HIPK2: variants seen among roughly 807,000 people sequenced by gnomAD.
HIPK2 encodes the protein homeodomain-interacting protein kinase 2.
HIPK2 carries 27 observed loss-of-function variants against 113.7 expected under a neutral mutation model. The ratio of observed to expected loss-of-function variants is 0.24; its 90% CI spans 0.17 to 0.33. The LOEUF is 0.33. Ranked by LOEUF, HIPK2 falls within the 10% of genes least tolerant of loss-of-function variation. HIPK2 has a pLI of 1.00. For missense variants in HIPK2, 1,257 were observed against 1,588.0 expected, an observed-to-expected ratio of 0.79 and a Z score of 3.54; for synonymous variants, 631 against 642.2, an observed-to-expected ratio of 0.98 and a Z score of 0.26.
chr7:139,689,026 G>C (rs1016081007), intron 2 of HIPK2, among the ~76,000 whole-genome samples: 6 of 152,166 alleles, frequency 3.9e-5, no homozygotes, highest in African/African-American at 1.4e-4. Context: ...GGCAAATGAA[G>C]AGAAACTCTC....
At chr7:139,756,210 T>C (rs1796360468) in intron 1 of HIPK2, among the ~76,000 whole-genome samples, 2 of 152,260 alleles carry the variant, frequency 1.3e-5, no homozygotes, top group African/African-American at 4.8e-5. Context: ...CTCAAAATCC[T>C]TGGATAGTGT....
At chr7:139,577,782 G>A (rs964573919) in intron 13 of HIPK2, among the ~76,000 whole-genome samples, 6 of 152,088 alleles carry the variant, frequency 3.9e-5, no homozygotes, top group African/African-American at 1.2e-4. Context: ...AGAGCCTGGC[G>A]CTGGGGCTGG....
At chr7:139,636,484 C>T (rs1308100098) in intron 2 of HIPK2, among the ~76,000 whole-genome samples, 1 of 152,122 alleles carries the variant, frequency 6.6e-6, no homozygotes, top group East Asian at 1.9e-4. Context: ...TGAGGTCACA[C>T]TGGAGTAGGT....
At chr7:139,605,626 T>C (rs1799594265) in intron 9 of HIPK2, among the ~76,000 whole-genome samples, 1 of 152,178 alleles carries the variant, frequency 6.6e-6, no homozygotes, top group South Asian at 2.1e-4. Flanking sequence ...ATTTGAGAGC[T>C]GAGTGGACCA....
intron 13 of HIPK2, among the ~76,000 whole-genome samples, chr7:139,583,250 G>C (rs1009263570): frequency 6.6e-6 from 1 of 152,196 alleles, no homozygotes; most frequent in African/African-American, 2.4e-5. Flanking sequence ...TTATTCCAGG[G>C]CCCAATTTTC....
intron 1 of HIPK2, among the ~76,000 whole-genome samples, chr7:139,754,978 A>G (rs1569485044): frequency 6.6e-6 from 1 of 152,184 alleles, no homozygotes; most frequent in Non-Finnish European, 1.5e-5. Flanking sequence ...AGTACTTTAA[A>G]AACAACATGC....
intron 1 of HIPK2, among the ~76,000 whole-genome samples, chr7:139,774,996 CT>C (rs2117187280): frequency 6.6e-6 from 1 of 152,356 alleles, no homozygotes; most frequent in African/African-American, 2.4e-5. Flanking sequence ...GCATTTCTGT[CT>C]AAATCTCTGG....
intron 1 of HIPK2, among the ~76,000 whole-genome samples, chr7:139,717,539 A>G (rs1471627723): frequency 6.6e-6 from 1 of 152,094 alleles, no homozygotes; most frequent in Non-Finnish European, 1.5e-5. Context: ...ACCAGCTGGC[A>G]TCTTTGTCAT....
chr7:139,629,886 G>C (rs980557072), intron 4 of HIPK2, among the ~76,000 whole-genome samples: 1 of 151,948 alleles, frequency 6.6e-6, no homozygotes, highest in African/African-American at 2.4e-5. Flanking sequence ...TACTGGACCT[G>C]ACCTTGACAC....
In HIPK2 at chr7:139,563,212, C is replaced by T. The variant is rs1797997635; in HGVS notation, c.*9715G>A. On this transcript the variant is annotated 3_prime_UTR_variant, in exon 15 of 15. Transcript: ENST00000406875. The stretch of plus-strand genomic sequence containing the variant: ...CACATGGTCAAGTCACTTTCTACTT[C>T]CCAAGTTCCTCCTTATAACCTGAGC... 2.0e-5 allele frequency: 3 copies of T among 152,558 alleles called. No homozygotes were observed. The South Asian group carries it at 6.2e-4, about 32-fold the overall frequency. The allele number at this position is 152,558 out of a possible 1,614,324, so 9.5% of individuals were successfully genotyped here. A position where few individuals can be genotyped will look rare whatever the true frequency, so the allele number is the denominator to read the frequency against.
chr7:139,667,892 C>A (rs1802103041), intron 2 of HIPK2, among the ~76,000 whole-genome samples: 1 of 151,930 alleles, frequency 6.6e-6, no homozygotes, highest in African/African-American at 2.4e-5. Flanking sequence ...CTTTGGGAGG[C>A]CGAGATGGGT....
intron 2 of HIPK2, among the ~76,000 whole-genome samples, chr7:139,708,083 G>A (rs1474814229): frequency 6.6e-6 from 1 of 152,072 alleles, no homozygotes; most frequent in African/African-American, 2.4e-5. Context: ...GGAGACAGAC[G>A]GACAGCTCAA....
At chr7:139,729,183 G>C (rs1004294349) in intron 1 of HIPK2, among the ~76,000 whole-genome samples, 2 of 152,086 alleles carry the variant, frequency 1.3e-5, no homozygotes, top group African/African-American at 2.4e-5. Context: ...AAATTAGCCA[G>C]GTGTGGTGGT....
rs1794135499 is a variant in HIPK2 at position 139,683,899 on chromosome 7, T to TCCC, written c.1103+32032_1103+32033insGGG. 1.3e-5 allele frequency among the ~76,000 whole-genome samples: 2 copies of TCCC among 151,992 alleles called. No homozygotes were observed. The highest frequency in any genetic ancestry group is 2.9e-5 in the Non-Finnish European group (2 of 68,026). On this transcript the variant is annotated intron_variant, in intron 2 of 14. Transcript: ENST00000406875. The surrounding 1 kb of genome is among the most constrained non-coding windows in gnomAD (Gnocchi z 4.2). ...TGGAATTTGGGGAGGGGCATATATA[T>TCCC]AGAGAGACATACCTCATTATATTGC...
intron 1 of HIPK2, among the ~76,000 whole-genome samples, chr7:139,726,597 A>C (rs1213978250): frequency 6.6e-6 from 1 of 152,228 alleles, no homozygotes; most frequent in African/African-American, 2.4e-5. Flanking sequence ...ACTCTGAGGC[A>C]AGAAATTGCT....
intron 2 of HIPK2, among the ~76,000 whole-genome samples, chr7:139,670,765 T>G (rs1446453694): frequency 7.9e-6 from 1 of 127,196 alleles, no homozygotes; most frequent in Non-Finnish European, 1.6e-5. Flanking sequence ...CTTTCTTTTT[T>G]TTTTTTTTTT....
At chr7:139,664,336 G>A (rs1387185719) in intron 2 of HIPK2, among the ~76,000 whole-genome samples, 1 of 152,094 alleles carries the variant, frequency 6.6e-6, no homozygotes, top group African/African-American at 2.4e-5. Context: ...TCAGGAGTTC[G>A]AGACCAGCCT....
rs891452486 is a variant in HIPK2, at chr7:139,571,637, C to A, written c.*1290G>T. The A allele has an allele frequency of 2.6e-5, 4 of 151,578 alleles. No homozygotes were observed. Among genetic ancestry groups the A allele is most frequent in the African/African-American group, 9.7e-5 (4 of 41,214 alleles). The allele number at this position is 151,578 out of a possible 1,614,324, so 9.4% of individuals were successfully genotyped here. ...CAAACAGCCCAGGAAAGACAACGGGCATTAACATTTTAAAAAGAAAAAGAA... is the reference window on the plus strand; with the variant it reads ...CAAACAGCCCAGGAAAGACAACGGGAATTAACATTTTAAAAAGAAAAAGAA... On this transcript the variant is annotated 3_prime_UTR_variant, in exon 15 of 15. Transcript: ENST00000406875.
At chr7:139,708,107 T>C (rs1341548438) in intron 2 of HIPK2, among the ~76,000 whole-genome samples, 4 of 152,110 alleles carry the variant, frequency 2.6e-5, no homozygotes, top group Admixed American at 2.0e-4. Context: ...CAGGCTGTCA[T>C]GCCGGCCGCA....
Sources: gnomAD v4.1 joint callset for allele counts (sites outside exome capture counted in the v4.1 genomes callset) on GRCh38, gnomAD v4.1.1 for gene constraint, Gnocchi (gnomAD v3.1) non-coding constraint, MANE v1.5 for transcripts, NCBI Gene and HGNC (gene_info 2026-07-23, HGNC 2026-07-21) for gene names.